The following CEP170B variants were observed in gnomAD, a reference collection of about 807,000 sequenced individuals.
The protein encoded by CEP170B is centrosomal protein of 170 kDa protein B.
CEP170B carries 55 observed loss-of-function variants against 120.6 expected under a neutral mutation model. The observed-to-expected ratio is 0.46, with a 90% CI of 0.37 to 0.57. The LOEUF (loss-of-function observed/expected upper bound fraction) is 0.57, where lower values mean the gene tolerates loss of function less well. CEP170B is among the 20% of genes least tolerant of loss of function. The probability of loss-of-function intolerance (pLI) is 0.00; values close to 1 mark genes in which losing one functional copy is unlikely to be tolerated. For missense variants in CEP170B, 2,212 were observed against 2,253.3 expected (o/e 0.98, Z 0.37); for synonymous variants, 1,033 against 954.5 (o/e 1.08, Z -1.52).
intron 4 of CEP170B, 38 bp downstream of exon 4, chr14:104,878,001 T>G (rs1188576116): frequency 1.3e-6 from 2 of 1,537,286 alleles, no homozygotes; most frequent in Admixed American, 1.8e-5. Flanking sequence ...CTGGGCTTCT[T>G]CTCAGTCCCC....
chr14:104,883,358 G>GCTT lies in CEP170B; in HGVS notation c.901_902insCTT (p.Glu301delinsAlaTer). Reference sequence around the variant, plus strand: ...GCGCCAGCGGCGGCCCCCGGGCAAGGAGGCCACACCTGGCGAGATGGTGTC... The same window carrying GCTT: ...GCGCCAGCGGCGGCCCCCGGGCAAGGCTTAGGCCACACCTGGCGAGATGGTGTC... On this transcript the variant is annotated stop_gained and protein_altering_variant, in exon 8 of 19. Transcript: ENST00000414716. LOFTEE classifies it high-confidence loss of function. 6.2e-7 allele frequency: 1 copy of GCTT among 1,610,544 alleles called. No individual in the cohort carries two copies. Among genetic ancestry groups the GCTT allele is most frequent in the Non-Finnish European group, 8.5e-7 (1 of 1,179,194 alleles).
At position 104,887,703 on chromosome 14, in the gene CEP170B, G is replaced by A. The variant is rs930860855; in HGVS notation, c.3464G>A (p.Arg1155Gln). 6.3e-6 allele frequency: 10 copies of A among 1,585,848 alleles called. No individual in the cohort carries two copies. Among genetic ancestry groups the A allele is most frequent in the African/African-American group, 5.4e-5 (4 of 74,422 alleles). The change falls in exon 12 of 19, where the codon CGG becomes CAG. Residue 1155 changes from arginine (R) to glutamine (Q), a missense_variant. Coordinates refer to ENST00000414716, the MANE Select transcript of CEP170B (RefSeq NM_001112726.3). ...GSLGNPEPVG[R>Q]PAAEQAKKLS... ...CTGGGCAACCCTGAGCCCGTGGGCCGGCCAGCTGCTGAGCAGGCCAAGAAG... is the reference window on the plus strand; with the variant it reads ...CTGGGCAACCCTGAGCCCGTGGGCCAGCCAGCTGCTGAGCAGGCCAAGAAG...
chr14:104,865,748 C>T lies in CEP170B; in HGVS notation c.-28+235C>T, dbSNP rs1895170034. On this transcript the variant is annotated intron_variant, in intron 1 of 18. Transcript: ENST00000414716. The surrounding 1 kb of genome is among the most constrained non-coding windows in gnomAD (Gnocchi z 6.7). ...TCTACGCGGCCTGCGGAGGGGGCGGCAAGCCTGGGCACCCGGGTCCCCGCC... is the reference window on the plus strand; with the variant it reads ...TCTACGCGGCCTGCGGAGGGGGCGGTAAGCCTGGGCACCCGGGTCCCCGCC... 6.6e-6 allele frequency among the ~76,000 whole-genome samples: 1 copy of T among 152,078 alleles called. No homozygotes were observed. The highest frequency in any genetic ancestry group is 2.1e-4 in the South Asian group (1 of 4,836).
rs1472788623 is a variant in CEP170B at position 104,884,074 on chromosome 14, C to T, written c.1295C>T (p.Ala432Val). Residue 432 changes from alanine (A) to valine (V), a missense_variant, in exon 9 of 19, where the codon GCC becomes GTC. Ala to Val is a moderately conservative substitution (Grantham distance 64). Around this residue, in one of 2 missense-constraint regions of CEP170B, gnomAD observed 2,166 missense variants for 2,166.7 expected, o/e 1.00. Transcript: ENST00000414716. ...FTHSPSGDPK[A>V]DKRRGPTPAD... is the part of the protein sequence containing the mutation. ...CACAGCCCGTCCGGGGACCCCAAGG[C>T]CGACAAGCGCCGTGGCCCAACGCCG... is the stretch of plus-strand genomic sequence containing the variant. 2 of 1,601,788 alleles carry T rather than the reference C, an allele frequency of 1.2e-6. No individual in the cohort carries two copies. The highest frequency in any genetic ancestry group is 1.3e-5 in the African/African-American group (1 of 74,754).
chr14:104,884,107 G>A lies in CEP170B; in HGVS notation c.1328G>A (p.Arg443Lys), dbSNP rs906998074. The A allele has an allele frequency of 6.3e-6, 10 of 1,578,086 alleles. No individual in the cohort carries two copies. Among genetic ancestry groups the A allele is most frequent in the Non-Finnish European group, 8.6e-6 (10 of 1,162,522 alleles). Residue 443 changes from arginine (R) to lysine (K), a missense_variant, in exon 9 of 19, where the codon AGG becomes AAG. Arg to Lys is a conservative substitution (Grantham distance 26). Around this residue, in one of 2 missense-constraint regions of CEP170B, gnomAD observed 2,166 missense variants for 2,166.7 expected, o/e 1.00. Transcript: ENST00000414716. ...DKRRGPTPAD[R>K]DRPSVPAPVQ... Reference sequence around the variant, plus strand: ...CGCCGTGGCCCAACGCCGGCCGATAGGGACCGCCCCAGTGTCCCAGCCCCA... The same window carrying A: ...CGCCGTGGCCCAACGCCGGCCGATAAGGACCGCCCCAGTGTCCCAGCCCCA...
chr14:104,894,170 C>T (rs1896979971), intron 16 of CEP170B, 115 bp from the exon 17 acceptor site: 2 of 839,434 alleles, frequency 2.4e-6, no homozygotes, highest in Middle Eastern at 2.2e-4. Context: ...CCCCCTTAGG[C>T]CCAGGTGGGC....
rs997467847 is a variant in CEP170B, at chr14:104,870,413, C to T, written c.105+1858C>T. On this transcript the variant is annotated intron_variant, in intron 2 of 18. Transcript: ENST00000414716. This position sits in a 1 kb window ranked among gnomAD's most constrained non-coding sequence, Gnocchi z 4.1. ...CACATACCCCACTGCCTCATGGGGC[C>T]GCAGCTGTATTTGGCGGGTTGCTCC... Among the ~76,000 whole-genome samples, 1 of 152,240 alleles carries T rather than the reference C, an allele frequency of 6.6e-6. No homozygotes were observed. The highest frequency in any genetic ancestry group is 1.5e-5 in the Non-Finnish European group (1 of 68,046).
chr14:104,895,104 T>C lies in CEP170B; in HGVS notation c.*146T>C. On this transcript the variant is annotated 3_prime_UTR_variant, in exon 19 of 19. Coordinates refer to ENST00000414716, the MANE Select transcript of CEP170B (RefSeq NM_001112726.3). ...CTGTGGGCGGGTGCCTCCCACGCCC[T>C]TGCCCCCTCGTCAGCTCCCAGCCAG... 1 of 913,758 alleles carries C rather than the reference T, an allele frequency of 1.1e-6. No homozygotes were observed. The highest frequency in any genetic ancestry group is 2.8e-5 in the East Asian group (1 of 35,320). 56.6% of individuals were successfully genotyped at this position (913,758 alleles called of 1,614,324 possible).
In CEP170B at chr14:104,883,393, C is replaced by G. The variant is rs1418178944; in HGVS notation, c.936C>G (p.Thr312=). The part of the protein sequence containing the change: ...ATPGEMVSAE[T]KVADWLVQND... ...CTGGCGAGATGGTGTCGGCTGAGAC[C>G]AAGGTGGCCGACTGGCTGGTGCAGA... Residue 312 remains threonine, a synonymous_variant, in exon 8 of 19, where the codon ACC becomes ACG. Coordinates refer to ENST00000414716, the MANE Select transcript of CEP170B (RefSeq NM_001112726.3). 7 of 1,598,406 alleles carry G rather than the reference C, an allele frequency of 4.4e-6. No homozygotes were observed. Among genetic ancestry groups the G allele is most frequent in the Non-Finnish European group, 6.0e-6 (7 of 1,173,886 alleles).
Position 104,882,786 on chromosome 14 carries a change from T to C in CEP170B, c.531T>C (p.Asp177=). 1 of 1,612,180 alleles carries C rather than the reference T, an allele frequency of 6.2e-7. No homozygotes were observed. Among genetic ancestry groups the C allele is most frequent in the Non-Finnish European group, 8.5e-7 (1 of 1,179,638 alleles). ...YGQPSWWGED[D]GSTLPDAQRQ... ...AGCCCTCCTGGTGGGGTGAGGACGA[T>C]GGTAGCACGCTGCCTGACGCCCAGC... Residue 177 remains aspartate, a synonymous_variant, in exon 7 of 19, where the codon GAT becomes GAC. Coordinates refer to ENST00000414716, the MANE Select transcript of CEP170B (RefSeq NM_001112726.3).
Position 104,891,083 on chromosome 14 carries a change from AGAGT to A in CEP170B, c.3878+1331_3878+1334del, listed in dbSNP as rs1211874369. On this transcript the variant is annotated intron_variant, in intron 13 of 18. Coordinates refer to ENST00000414716, the MANE Select transcript of CEP170B (RefSeq NM_001112726.3). The surrounding 1 kb of genome is among the most constrained non-coding windows in gnomAD (Gnocchi z 4.3). ...GGTGGATGGATGGATGGATGGATGG[AGAGT>A]GAGTGGGTGGATGGAGGGGTGGGTG... Among the ~76,000 whole-genome samples, 4 of 123,376 alleles carry A rather than the reference AGAGT, an allele frequency of 3.2e-5. No homozygotes were observed. Among genetic ancestry groups the A allele is most frequent in the South Asian group, 2.8e-4 (1 of 3,536 alleles). 80.9% of individuals were successfully genotyped at this position (123,376 alleles called of 152,430 possible).
chr14:104,890,458 G>GTGGA (rs1284738866), intron 13 of CEP170B, among the ~76,000 whole-genome samples: 5 of 140,714 alleles, frequency 3.6e-5, no homozygotes, highest in East Asian at 2.4e-4. Flanking sequence ...GAGTGGGTGG[G>GTGGA]TGGATGGATG....
At position 104,865,965 on chromosome 14, in the gene CEP170B, C is replaced by T. The variant is rs958786151; in HGVS notation, c.-28+452C>T. ...GTCTCCCCGCTGTCCCTGCCTCTCCCGGCCTGTGCGCTCCTTCCACCGCCG... is the reference window on the plus strand; with the variant it reads ...GTCTCCCCGCTGTCCCTGCCTCTCCTGGCCTGTGCGCTCCTTCCACCGCCG... On this transcript the variant is annotated intron_variant, in intron 1 of 18. Coordinates refer to ENST00000414716, the MANE Select transcript of CEP170B (RefSeq NM_001112726.3). The surrounding 1 kb of genome is among the most constrained non-coding windows in gnomAD (Gnocchi z 6.7). Among the ~76,000 whole-genome samples, 1 of 152,184 alleles carries T rather than the reference C, an allele frequency of 6.6e-6. No homozygotes were observed. The highest frequency in any genetic ancestry group is 1.5e-5 in the Non-Finnish European group (1 of 68,030).
Position 104,868,953 on chromosome 14 carries a change from C to T in CEP170B, c.105+398C>T, listed in dbSNP as rs916607146. Among the ~76,000 whole-genome samples, 3 of 152,148 alleles carry T rather than the reference C, an allele frequency of 2.0e-5. No individual in the cohort carries two copies. Among genetic ancestry groups the T allele is most frequent in the East Asian group, 1.9e-4 (1 of 5,182 alleles). ...CCATATTCTTGTTGTCTGGGGGCCC[C>T]GTCTATGCTGTGAGTGCTGCCTGAG... On this transcript the variant is annotated intron_variant, in intron 2 of 18. Coordinates refer to ENST00000414716, the MANE Select transcript of CEP170B (RefSeq NM_001112726.3). This position sits in a 1 kb window ranked among gnomAD's most constrained non-coding sequence, Gnocchi z 5.9.
At chr14:104,883,008 C>G (rs573496502) in intron 7 of CEP170B, 27 bp from the exon 8 acceptor site, 3 of 1,483,450 alleles carry the variant, frequency 2.0e-6, no homozygotes, top group Non-Finnish European at 1.8e-6. Context: ...CCCTGAGGCC[C>G]GGTCTGAAGA....
intron 14 of CEP170B, 148 bp from the exon 15 acceptor site, chr14:104,893,375 C>T (rs1321353105): frequency 8.9e-7 from 1 of 1,119,130 alleles, no homozygotes; most frequent in Non-Finnish European, 1.2e-6. Flanking sequence ...CAGCTGCCTC[C>T]ATGGCGGGGC....
At position 104,884,330 on chromosome 14, in the gene CEP170B, C is replaced by T; in HGVS notation, c.1551C>T (p.Pro517=). ...GGGAGAGCTCCCCGGCCGCCCGGCC[C>T]AGCCCCGAGAAGGTTCCTCCGGTGC... ...CLRESSPAAR[P]SPEKVPPVLP... is the part of the protein sequence containing the mutation. Residue 517 remains proline (P), a synonymous_variant, in exon 9 of 19, where the codon CCC becomes CCT. Transcript: ENST00000414716. 1 of 1,544,094 alleles carries T rather than the reference C, an allele frequency of 6.5e-7. No homozygotes were observed. The highest frequency in any genetic ancestry group is 8.7e-7 in the Non-Finnish European group (1 of 1,144,970).
chr14:104,894,099 C>A, intron 16 of CEP170B, 186 bp from the exon 17 acceptor site: 1 of 657,368 alleles, frequency 1.5e-6, no homozygotes, highest in Non-Finnish European at 2.7e-6. Flanking sequence ...CAGCCCTCCC[C>A]ACCGCCGAGT....
chr14:104,875,924 G>A (rs191953746), intron 2 of CEP170B, among the ~76,000 whole-genome samples: 159 of 152,314 alleles, frequency 1.0e-3, no homozygotes, highest in African/African-American at 3.5e-3. Context: ...CCCCCTCACC[G>A]CCAGCCTGGC....
Sources: gnomAD v4.1 joint callset for allele counts (sites outside exome capture counted in the v4.1 genomes callset) on GRCh38, gnomAD v4.1.1 for gene constraint, gnomAD v4.1.1 regional missense constraint, Gnocchi (gnomAD v3.1) non-coding constraint, MANE v1.5 for transcripts, NCBI Gene and HGNC (gene_info 2026-07-23, HGNC 2026-07-21) for gene names.